SLC22A8: variants seen among roughly 807,000 people sequenced by gnomAD.
SLC22A8 encodes solute carrier family 22 member 8, also known as organic anion transporter 3.
SLC22A8 carries 40 observed loss-of-function variants against 48.4 expected under a neutral mutation model. The ratio of observed to expected loss-of-function variants is 0.83; its 90% CI spans 0.64 to 1.08. The LOEUF is 1.08. SLC22A8 is among the 50% of genes least tolerant of loss of function. The pLI is 0.00. For synonymous variants in SLC22A8, 268 were observed against 286.3 expected, an observed-to-expected ratio of 0.94 and a Z score of 0.65; for missense variants, 606 against 699.0, an observed-to-expected ratio of 0.87 and a Z score of 1.50.
In SLC22A8 at chr11:62,995,823, C is replaced by G; in HGVS notation, c.886-4G>C. 1 of 1,609,402 alleles carries G rather than the reference C, an allele frequency of 6.2e-7. No homozygotes were observed. Among genetic ancestry groups the G allele is most frequent in the Non-Finnish European group, 8.5e-7 (1 of 1,175,804 alleles). ...TCTGCAGGTTGAGTTTGAGCTCCTTCGGGCAGAGGAGGGGGAGGGGTGCCA... is the reference window on the plus strand; with the variant it reads ...TCTGCAGGTTGAGTTTGAGCTCCTTGGGGCAGAGGAGGGGGAGGGGTGCCA... On this transcript the variant is annotated splice_region_variant and splice_polypyrimidine_tract_variant and intron_variant, in intron 6 of 10. Transcript: ENST00000336232.
chr11:62,994,866 G>T, intron 7 of SLC22A8, 110 bp from the exon 8 acceptor site: 1 of 801,560 alleles, frequency 1.2e-6, no homozygotes, highest in Non-Finnish European at 2.2e-6. Flanking sequence ...TGTGCCAACT[G>T]CAACTGATGA....
At position 62,993,078 on chromosome 11, in the gene SLC22A8, C is replaced by A. The variant is rs919364103; in HGVS notation, c.*159G>T. The stretch of plus-strand genomic sequence containing the variant: ...GGCTGAACCTTTGAACTGGCCAGGG[C>A]TGGGCAGGAGGCTCTGGTGGTGGTG... On this transcript the variant is annotated 3_prime_UTR_variant, in exon 11 of 11. Transcript: ENST00000336232. 6.5e-6 allele frequency: 4 copies of A among 616,066 alleles called. No individual in the cohort carries two copies. Among genetic ancestry groups the A allele is most frequent in the Middle Eastern group, 4.3e-4 (1 of 2,308 alleles). 38.2% of individuals were successfully genotyped at this position (616,066 alleles called of 1,614,324 possible). A position where few individuals can be genotyped will look rare whatever the true frequency, so the allele number is the denominator to read the frequency against.
intron 2 of SLC22A8, 109 bp from the exon 3 acceptor site, chr11:63,000,932 T>G (rs565549556): frequency 1.4e-5 from 11 of 807,004 alleles, no homozygotes; most frequent in African/African-American, 8.4e-5. Context: ...CGCCCTGACT[T>G]TGCCCCTACC....
intron 5 of SLC22A8, among the ~76,000 whole-genome samples, chr11:62,996,469 G>A (rs1017551945): frequency 2.6e-5 from 4 of 152,224 alleles, no homozygotes; most frequent in Non-Finnish European, 5.9e-5. Context: ...GGCTGGGGGA[G>A]GGGATGGCAT....
At chr11:62,997,666 A>G (rs2086439175) in intron 5 of SLC22A8, among the ~76,000 whole-genome samples, 1 of 152,192 alleles carries the variant, frequency 6.6e-6, no homozygotes, top group South Asian at 2.1e-4. Context: ...TAGGTTGCCC[A>G]TCCCCTCTGG....
chr11:62,999,876 C>T, intron 3 of SLC22A8, 34 bp from the exon 4 acceptor site: 1 of 1,437,452 alleles, frequency 7.0e-7, no homozygotes, highest in Non-Finnish European at 9.2e-7. Context: ...GCCAGGTTAG[C>T]CACAGTGTGC....
In SLC22A8 at chr11:62,999,708, G is replaced by GC; in HGVS notation, c.571_572insG (p.Thr191SerfsTer126). 1.3e-6 allele frequency: 2 copies of GC among 1,595,980 alleles called. No homozygotes were observed. Among genetic ancestry groups the GC allele is most frequent in the Non-Finnish European group, 1.7e-6 (2 of 1,170,506 alleles). On this transcript the variant is annotated frameshift_variant, in exon 4 of 11. Coordinates refer to ENST00000336232, the MANE Select transcript of SLC22A8 (RefSeq NM_004254.4). LOFTEE classifies it high-confidence loss of function. ...CTCACTCAAGATGACGGTGCTCAGG[G>GC]TAATGCCTGAGATGCCAAAGCCACA...
chr11:63,002,864 C>T (rs2086513573), intron 2 of SLC22A8, among the ~76,000 whole-genome samples: 1 of 152,194 alleles, frequency 6.6e-6, no homozygotes, highest in South Asian at 2.1e-4. Flanking sequence ...TTAATCTTCA[C>T]AATAACCTTA....
intron 5 of SLC22A8, among the ~76,000 whole-genome samples, chr11:62,997,371 C>T (rs982601250): frequency 3.3e-5 from 5 of 151,970 alleles, no homozygotes; most frequent in Non-Finnish European, 2.9e-5. Context: ...ATTACAGGCA[C>T]GCATCACCAC....
chr11:63,009,853 G>A (rs1040068882), intron 2 of SLC22A8, among the ~76,000 whole-genome samples: 1 of 152,156 alleles, frequency 6.6e-6, no homozygotes, highest in Non-Finnish European at 1.5e-5. Context: ...CAGATGAGGG[G>A]ACTGAAGCTG....
At chr11:62,998,329 C>G (rs1383220204) in intron 5 of SLC22A8, among the ~76,000 whole-genome samples, 1 of 152,184 alleles carries the variant, frequency 6.6e-6, no homozygotes, top group Non-Finnish European at 1.5e-5. Context: ...AATGAGCTCT[C>G]TGCCCACTCT....
intron 2 of SLC22A8, among the ~76,000 whole-genome samples, chr11:63,009,314 G>C (rs2086591282): frequency 6.6e-6 from 1 of 152,096 alleles, no homozygotes; most frequent in African/African-American, 2.4e-5. Context: ...GCCTCACTGG[G>C]CAGCCTCTCT....
chr11:62,998,643 C>A (rs2086451971), intron 5 of SLC22A8, among the ~76,000 whole-genome samples: 1 of 152,208 alleles, frequency 6.6e-6, no homozygotes, highest in African/African-American at 2.4e-5. Context: ...TCCAGGCCCC[C>A]CAGCTTTCTG....
Position 62,994,701 on chromosome 11 carries a change from C to T in SLC22A8, c.1057G>A (p.Val353Ile). The change falls in exon 8 of 11, where the codon GTC (valine) becomes ATC (isoleucine). Residue 353 changes from valine to isoleucine, a missense_variant. Transcript: ENST00000336232. ...ATGATCTGGAGGATGTAGAGGTTGA[C>T]TCCAAATTCTTCCACACCCATAGCC... ...SLAMGVEEFG[V>I]NLYILQIIFG... The T allele has an allele frequency of 6.2e-7, 1 of 1,614,244 alleles. No individual in the cohort carries two copies.
At chr11:63,002,506 G>C (rs1005721036) in intron 2 of SLC22A8, among the ~76,000 whole-genome samples, 12 of 152,056 alleles carry the variant, frequency 7.9e-5, no homozygotes, top group African/African-American at 2.9e-4. Flanking sequence ...TGTACCCTTT[G>C]ATCAGTAACT....
At position 62,999,812 on chromosome 11, in the gene SLC22A8, GC is replaced by G; in HGVS notation, c.467del (p.Ser156ThrfsTer37). ...RFGRRPILTC[S>X]YLLLAASGSG... ...AGCCGCTGGCTGCCAGCAGCAGGTA[GC>G]TGCAGGTCAGGATGGGCCTGCGGCC... On this transcript the variant is annotated frameshift_variant, in exon 4 of 11. Coordinates refer to ENST00000336232, the MANE Select transcript of SLC22A8 (RefSeq NM_004254.4). LOFTEE classifies it high-confidence loss of function. 1.3e-6 allele frequency: 2 copies of G among 1,599,740 alleles called. No individual in the cohort carries two copies. The highest frequency in any genetic ancestry group is 1.7e-6 in the Non-Finnish European group (2 of 1,172,702).
rs151265459 is a variant in SLC22A8 at position 62,994,916 on chromosome 11, G to A, written c.1002-160C>T. 6.6e-4 allele frequency: 428 copies of A among 650,548 alleles called. 2 individuals are homozygous for A. The highest frequency in any genetic ancestry group is 5.7e-3 in the African/African-American group (321 of 55,948). The allele number at this position is 650,548 out of a possible 1,614,324, so 40.3% of individuals were successfully genotyped here. A position where few individuals can be genotyped will look rare whatever the true frequency, so the allele number is the denominator to read the frequency against. On this transcript the variant is annotated intron_variant, in intron 7 of 10. Coordinates refer to ENST00000336232, the MANE Select transcript of SLC22A8 (RefSeq NM_004254.4). Reference sequence around the variant, plus strand: ...GTGTCCTTTTGAGGTTTCTGAGATCGTGTCTGGGCTCAGGGAGAAAGTGCT... The same window carrying A: ...GTGTCCTTTTGAGGTTTCTGAGATCATGTCTGGGCTCAGGGAGAAAGTGCT...
intron 2 of SLC22A8, chr11:63,001,108 C>G (rs1210351644): frequency 2.5e-6 from 1 of 402,398 alleles, no homozygotes; most frequent in Non-Finnish European, 4.7e-6. Context: ...TTCCTCCTCT[C>G]CAAGTTGCCT....
At chr11:62,994,226 C>G (rs1333785795) in intron 8 of SLC22A8, 1 of 522,888 alleles carries the variant, frequency 1.9e-6, no homozygotes, top group Non-Finnish European at 3.4e-6. Flanking sequence ...CTTTCTTGAG[C>G]ATGAGCTCTG....
Sources: allele counts gnomAD v4.1 joint callset (sites outside exome capture counted in the v4.1 genomes callset), GRCh38; gene constraint gnomAD v4.1.1; transcripts MANE v1.5; gene names NCBI Gene and HGNC (gene_info 2026-07-23, HGNC 2026-07-21).